Variants in MAP3K4 observed in about 807,000 individuals in gnomAD.
MAP3K4 encodes the protein MAP three kinase 1.
Under a neutral mutation model 185.6 loss-of-function variants are expected in MAP3K4, and 67 were observed. That is an observed-to-expected ratio of 0.36 (90% CI 0.30 to 0.44). MAP3K4 has a LOEUF of 0.44. Among genes scored for constraint, MAP3K4 ranks in the 20% least tolerant of loss-of-function variants. The pLI, the probability that MAP3K4 is intolerant of heterozygous loss-of-function variation, is 1.00. For synonymous variants in MAP3K4, 702 were observed against 710.4 expected (o/e 0.99, Z 0.19); for missense variants, 1,551 against 1,995.1 (o/e 0.78, Z 4.24).
chr6:161,109,530 C>A lies in MAP3K4; in HGVS notation c.4237-225C>A, dbSNP rs905564573. Among the ~76,000 whole-genome samples, 2 of 152,110 alleles carry A rather than the reference C, an allele frequency of 1.3e-5. No individual in the cohort carries two copies. Among genetic ancestry groups the A allele is most frequent in the African/African-American group, 4.8e-5 (2 of 41,416 alleles). ...CCCTGTGATTTGGAGATGTTCTTAT[C>A]CCCAAGAGCTGTATAATTCCAGACA... On this transcript the variant is annotated intron_variant, in intron 22 of 26. Transcript: ENST00000392142. The surrounding 1 kb of genome is among the most constrained non-coding windows in gnomAD (Gnocchi z 5.7).
At position 161,073,561 on chromosome 6, in the gene MAP3K4, G is replaced by A. The variant is rs969547135; in HGVS notation, c.2046G>A (p.Lys682=). The A allele has an allele frequency of 3.7e-6, 6 of 1,613,918 alleles. No individual in the cohort carries two copies. In the African/African-American group the frequency reaches 6.7e-5, roughly 18 times the overall value. The part of the protein sequence containing the change: ...MLQEVLEDLE[K]PDCNIDAFEE... ...AGGAGGTTCTGGAGGACTTGGAGAA[G>A]CCCGACTGCAACATTGACGCTTTTG... The change falls in exon 5 of 27, where the codon AAG becomes AAA. Residue 682 remains lysine, a synonymous_variant. Transcript: ENST00000392142. The surrounding 1 kb of genome is among the most constrained non-coding windows in gnomAD (Gnocchi z 4.2).
intron 1 of MAP3K4, among the ~76,000 whole-genome samples, chr6:161,024,052 G>A (rs1338018157): frequency 6.6e-6 from 1 of 152,144 alleles, no homozygotes; most frequent in African/African-American, 2.4e-5. Context: ...CTGCAGCCTC[G>A]AAATTTTGGG....
chr6:161,086,672 G>C lies in MAP3K4; in HGVS notation c.2556+5G>C. The C allele has an allele frequency of 6.2e-7, 1 of 1,605,190 alleles. No individual in the cohort carries two copies. Among genetic ancestry groups the C allele is most frequent in the Non-Finnish European group, 8.5e-7 (1 of 1,176,962 alleles). On this transcript the variant is annotated splice_donor_5th_base_variant and intron_variant, in intron 9 of 26. Transcript: ENST00000392142. This position sits in a 1 kb window ranked among gnomAD's most constrained non-coding sequence, Gnocchi z 4.8. ...AAATCAAAACAGTATGTCAAGGTAA[G>C]TACTTCAAATGTTGTGATTGAAACA...
At position 161,086,333 on chromosome 6, in the gene MAP3K4, G is replaced by T; in HGVS notation, c.2373-46G>T. On this transcript the variant is annotated intron_variant, in intron 7 of 26. Transcript: ENST00000392142. The surrounding 1 kb of genome is among the most constrained non-coding windows in gnomAD (Gnocchi z 4.8). Reference sequence around the variant, plus strand: ...TTGTTAAATCCCTCTTGCACCTCTGGAATATTCCCTAATGTGTTCTAACTG... The same window carrying T: ...TTGTTAAATCCCTCTTGCACCTCTGTAATATTCCCTAATGTGTTCTAACTG... The T allele has an allele frequency of 8.8e-7, 1 of 1,135,570 alleles. No individual in the cohort carries two copies. Among genetic ancestry groups the T allele is most frequent in the South Asian group, 1.4e-5 (1 of 73,470 alleles). 70.3% of individuals were successfully genotyped at this position (1,135,570 alleles called of 1,614,324 possible).
chr6:161,062,975 A>G (rs975060728), intron 3 of MAP3K4, among the ~76,000 whole-genome samples: 1 of 151,870 alleles, frequency 6.6e-6, no homozygotes, highest in African/African-American at 2.4e-5. Flanking sequence ...TGCTCTTTAT[A>G]TATTTTGGAT....
At position 161,084,403 on chromosome 6, in the gene MAP3K4, A is replaced by G; in HGVS notation, c.2256-98A>G. ...TTTCATTTTTGATTTTTAAACCATT[A>G]GAGCAGTAGCTGAGCCTTTCAAGTT... On this transcript the variant is annotated intron_variant, in intron 6 of 26. Transcript: ENST00000392142. This position sits in a 1 kb window ranked among gnomAD's most constrained non-coding sequence, Gnocchi z 4.6. 5.9e-6 allele frequency: 4 copies of G among 677,434 alleles called. No homozygotes were observed. In the East Asian group the frequency reaches 1.0e-4, roughly 17 times the overall value. The allele number at this position is 677,434 out of a possible 1,614,324, so 42.0% of individuals were successfully genotyped here.
chr6:160,999,354 C>G (rs965466290), intron 1 of MAP3K4, among the ~76,000 whole-genome samples: 5 of 152,150 alleles, frequency 3.3e-5, no homozygotes, highest in African/African-American at 9.7e-5. Context: ...ATCCTAAAGT[C>G]TTTTTATATG....
In MAP3K4 at chr6:161,049,073, G is replaced by A. The variant is rs372457690; in HGVS notation, c.801G>A (p.Glu267=). ...LNRSNELIWL[E]LQAWHAGRTI... is the part of the protein sequence containing the mutation. ...GATCTAACGAACTGATCTGGTTAGA[G>A]CTACAAGCCTGGCATGCAGGACGGA... Residue 267 remains glutamate, a synonymous_variant, in exon 3 of 27, where the codon GAG becomes GAA. Transcript: ENST00000392142. This position sits in a 1 kb window ranked among gnomAD's most constrained non-coding sequence, Gnocchi z 8.4. The A allele has an allele frequency of 1.9e-6, 3 of 1,614,134 alleles. No homozygotes were observed. Among genetic ancestry groups the A allele is most frequent in the South Asian group, 2.2e-5 (2 of 91,086 alleles).
Position 161,053,035 on chromosome 6 carries a change from A to G in MAP3K4, c.1707+3056A>G, listed in dbSNP as rs985958520. 2.6e-5 allele frequency among the ~76,000 whole-genome samples: 4 copies of G among 152,166 alleles called. No individual in the cohort carries two copies. Among genetic ancestry groups the G allele is most frequent in the South Asian group, 2.1e-4 (1 of 4,826 alleles). On this transcript the variant is annotated intron_variant, in intron 3 of 26. Transcript: ENST00000392142. This position sits in a 1 kb window ranked among gnomAD's most constrained non-coding sequence, Gnocchi z 4.2. ...GTGGTGTTTTCATTCCCACACTGCT[A>G]TAAAGAAATGCCTGAGACTGGGTAA...
chr6:161,094,073 C>T (rs1287076500), intron 15 of MAP3K4, among the ~76,000 whole-genome samples: 1 of 152,192 alleles, frequency 6.6e-6, no homozygotes, highest in African/African-American at 2.4e-5. Flanking sequence ...CTATTCCATA[C>T]CAGCCAGCAG....
rs1291550387 is a variant in MAP3K4 at position 161,049,312 on chromosome 6, A to G, written c.1040A>G (p.Gln347Arg). The change falls in exon 3 of 27, where the codon CAG becomes CGG. Residue 347 changes from glutamine (Q) to arginine (R), a missense_variant. Physicochemically the swap from Gln to Arg is conservative, Grantham distance 43. Coordinates refer to ENST00000392142, the MANE Select transcript of MAP3K4 (RefSeq NM_005922.4). The surrounding 1 kb of genome is among the most constrained non-coding windows in gnomAD (Gnocchi z 8.4). ...YSTHHEHLQR[Q>R]RVSFEQVKRI... ...ACACATCATGAGCATCTCCAACGCC[A>G]GAGGGTCTCATTTGAGCAGGTAAAA... The G allele has an allele frequency of 6.2e-7, 1 of 1,614,218 alleles. No homozygotes were observed. Among genetic ancestry groups the G allele is most frequent in the South Asian group, 1.1e-5 (1 of 91,090 alleles).
Position 161,093,822 on chromosome 6 carries a change from C to G in MAP3K4, c.3398C>G (p.Pro1133Arg). Residue 1133 changes from proline to arginine, a missense_variant, in exon 15 of 27, where the codon CCA becomes CGA. By Grantham distance (103) the Pro-to-Arg change is moderately radical. This residue lies in a region of MAP3K4 where 272 missense variants were observed against 301.2 expected (regional missense o/e 0.90). Transcript: ENST00000392142. This position sits in a 1 kb window ranked among gnomAD's most constrained non-coding sequence, Gnocchi z 5.2. ...NECIGHVIGK[P>R]HSPVTGLYLA... ...TGCATTGGCCATGTCATAGGAAAAC[C>G]ACACAGTCCTGTTACAGGTTTGTAC... 1.9e-6 allele frequency: 3 copies of G among 1,613,582 alleles called. No homozygotes were observed. The highest frequency in any genetic ancestry group is 2.5e-6 in the Non-Finnish European group (3 of 1,179,772).
At chr6:161,032,928 T>C (rs1297609081) in intron 1 of MAP3K4, among the ~76,000 whole-genome samples, 1 of 152,198 alleles carries the variant, frequency 6.6e-6, no homozygotes, top group African/African-American at 2.4e-5. Flanking sequence ...TTTAGAGTGG[T>C]CTTTAAAATG....
chr6:161,080,172 A>G lies in MAP3K4; in HGVS notation c.2098-709A>G, dbSNP rs1474631277. ...GACTCAAATATCTCCTACCCCGTCAAGCTATTCTTTTAAGTAAAGGAGTCC... is the reference window on the plus strand; with the variant it reads ...GACTCAAATATCTCCTACCCCGTCAGGCTATTCTTTTAAGTAAAGGAGTCC... On this transcript the variant is annotated intron_variant, in intron 5 of 26. Coordinates refer to ENST00000392142, the MANE Select transcript of MAP3K4 (RefSeq NM_005922.4). This position sits in a 1 kb window ranked among gnomAD's most constrained non-coding sequence, Gnocchi z 4.8. 6.6e-6 allele frequency among the ~76,000 whole-genome samples: 1 copy of G among 152,188 alleles called. No individual in the cohort carries two copies. The highest frequency in any genetic ancestry group is 1.9e-4 in the East Asian group (1 of 5,180).
intron 3 of MAP3K4, among the ~76,000 whole-genome samples, chr6:161,059,094 A>G (rs1332787409): frequency 6.6e-6 from 1 of 151,970 alleles, no homozygotes; most frequent in Non-Finnish European, 1.5e-5. Context: ...ATTTTTCCTC[A>G]TTTTTATAAC....
chr6:161,008,769 T>C lies in MAP3K4; in HGVS notation c.152+16686T>C, dbSNP rs1183235607. Among the ~76,000 whole-genome samples, 1 of 152,150 alleles carries C rather than the reference T, an allele frequency of 6.6e-6. No homozygotes were observed. The highest frequency in any genetic ancestry group is 1.5e-5 in the Non-Finnish European group (1 of 68,016). On this transcript the variant is annotated intron_variant, in intron 1 of 26. Coordinates refer to ENST00000392142, the MANE Select transcript of MAP3K4 (RefSeq NM_005922.4). This position sits in a 1 kb window ranked among gnomAD's most constrained non-coding sequence, Gnocchi z 4.1. ...CACACACTACCCTTTCTTTCCTCAT[T>C]ATCCTGACATTTACTGATATTTTAC...
At chr6:161,024,479 A>G (rs1002253905) in intron 1 of MAP3K4, among the ~76,000 whole-genome samples, 7 of 152,184 alleles carry the variant, frequency 4.6e-5, no homozygotes, top group Non-Finnish European at 1.0e-4. Context: ...TTCTGTTCCC[A>G]GATCCCATCC....
chr6:161,048,640 C>A lies in MAP3K4; in HGVS notation c.368C>A (p.Pro123His), dbSNP rs746966746. ...LKEKMNAPNQPPHKDTGKTVE... is the reference protein window; with the variant it reads ...LKEKMNAPNQHPHKDTGKTVE... ...GAAAAAATGAATGCACCAAATCAGC[C>A]TCCACATAAAGACACTGGAAAAACA... is the stretch of plus-strand genomic sequence containing the variant. The change falls in exon 3 of 27, where the codon CCT (proline) becomes CAT (histidine). Residue 123 changes from proline (P) to histidine (H), a missense_variant. Pro to His is a moderately conservative substitution (Grantham distance 77). Coordinates refer to ENST00000392142, the MANE Select transcript of MAP3K4 (RefSeq NM_005922.4). This position sits in a 1 kb window ranked among gnomAD's most constrained non-coding sequence, Gnocchi z 4.7. 1.3e-6 allele frequency: 2 copies of A among 1,591,170 alleles called. No homozygotes were observed. Among genetic ancestry groups the A allele is most frequent in the South Asian group, 2.3e-5 (2 of 85,992 alleles).
rs767415246 is a variant in MAP3K4 at position 161,091,328 on chromosome 6, G to A, written c.2974-51G>A. 1 of 1,498,726 alleles carries A rather than the reference G, an allele frequency of 6.7e-7. No individual in the cohort carries two copies. The highest frequency in any genetic ancestry group is 1.2e-5 in the South Asian group (1 of 81,998). 92.8% of individuals were successfully genotyped at this position (1,498,726 alleles called of 1,614,324 possible). A position where few individuals can be genotyped will look rare whatever the true frequency, so the allele number is the denominator to read the frequency against. ...GAAATCTTCCTTTAAAATGTGGTAA[G>A]TATTGTATGATTTGCTTCATTTTGC... On this transcript the variant is annotated intron_variant, in intron 11 of 26. Coordinates refer to ENST00000392142, the MANE Select transcript of MAP3K4 (RefSeq NM_005922.4). This position sits in a 1 kb window ranked among gnomAD's most constrained non-coding sequence, Gnocchi z 5.5.
Sources: allele counts gnomAD v4.1 joint callset (sites outside exome capture counted in the v4.1 genomes callset), GRCh38; gene constraint gnomAD v4.1.1; regional missense constraint gnomAD v4.1.1; non-coding constraint Gnocchi (gnomAD v3.1); transcripts MANE v1.5; gene names NCBI Gene and HGNC (gene_info 2026-07-23, HGNC 2026-07-21).